The following HDAC10 variants were observed in gnomAD, a reference collection of about 807,000 sequenced individuals.
The protein encoded by HDAC10 is polyamine deacetylase HDAC10.
HDAC10 carries 90 observed loss-of-function variants against 82.3 expected under a neutral mutation model. That is an observed-to-expected ratio of 1.09 (90% confidence interval 0.92 to 1.30). The LOEUF (loss-of-function observed/expected upper bound fraction) is 1.30, where lower values mean the gene tolerates loss of function less well. Among genes scored for constraint, HDAC10 ranks in the 50% most tolerant of loss-of-function variants. HDAC10 has a pLI of 0.00. For missense variants in HDAC10, 934 were observed against 876.3 expected (o/e 1.07, Z -0.83); for synonymous variants, 456 against 391.7 (o/e 1.16, Z -1.94).
rs2065043509 is a variant in HDAC10 at position 50,249,831 on chromosome 22, C to T, written c.494+29G>A. On this transcript the variant is annotated intron_variant, in intron 5 of 19. Coordinates refer to ENST00000216271, the MANE Select transcript of HDAC10 (RefSeq NM_032019.6). The surrounding 1 kb of genome is among the most constrained non-coding windows in gnomAD (Gnocchi z 4.4). Reference sequence around the variant, plus strand: ...TGCCCCTTGCTGTGTGGCCTGGGCCCACCCCCCTGCAGCCAGCCTGGCACA... The same window carrying T: ...TGCCCCTTGCTGTGTGGCCTGGGCCTACCCCCCTGCAGCCAGCCTGGCACA... The T allele has an allele frequency of 6.2e-7, 1 of 1,606,668 alleles. No homozygotes were observed.
At chr22:50,246,191 G>A (rs2064940227) in intron 17 of HDAC10, 99 bp from the exon 18 acceptor site, 4 of 1,523,368 alleles carry the variant, frequency 2.6e-6, no homozygotes, top group South Asian at 1.2e-5. Context: ...GGAGCAGGGA[G>A]ACAGGAAGGA....
rs368982991 is a variant in HDAC10, at chr22:50,245,794, G to A, written c.1867C>T (p.Arg623Trp). The A allele has an allele frequency of 2.3e-5, 37 of 1,590,142 alleles. No homozygotes were observed. The highest frequency in any genetic ancestry group is 1.7e-4 in the Middle Eastern group (1 of 6,050). Reference sequence around the variant, plus strand: ...GGAGGTGCCTCTCCATTCAGCACCCGGGCCAGGATCCCTGCTAGCTGGGGT... The same window carrying A: ...GGAGGTGCCTCTCCATTCAGCACCCAGGCCAGGATCCCTGCTAGCTGGGGT... ...STPQLAGILA[R>W]VLNGEAPPSL... The change falls in exon 19 of 20, where the codon CGG (arginine) becomes TGG (tryptophan). Residue 623 changes from arginine to tryptophan, a missense_variant. Coordinates refer to ENST00000216271, the MANE Select transcript of HDAC10 (RefSeq NM_032019.6).
At position 50,246,745 on chromosome 22, in the gene HDAC10, G is replaced by A. The variant is rs1377334373; in HGVS notation, c.1515-10C>T. ...GGCCACGCACAGCAGCCTGGAAGAA[G>A]AGCTGGCCTCAGGACAGGTGTTCAT... On this transcript the variant is annotated splice_polypyrimidine_tract_variant and intron_variant, in intron 15 of 19. Transcript: ENST00000216271. 5 of 1,612,816 alleles carry A rather than the reference G, an allele frequency of 3.1e-6. No individual in the cohort carries two copies. The highest frequency in any genetic ancestry group is 1.7e-5 in the Admixed American group (1 of 60,006).
Position 50,247,605 on chromosome 22 carries a change from T to C in HDAC10, c.1422+87A>G, listed in dbSNP as rs116146084. The C allele has an allele frequency of 4.3e-5, 41 of 949,534 alleles. No homozygotes were observed. The African/African-American group carries it at 5.6e-4, about 13-fold the overall frequency. 58.8% of individuals were successfully genotyped at this position (949,534 alleles called of 1,614,324 possible). A position where few individuals can be genotyped will look rare whatever the true frequency, so the allele number is the denominator to read the frequency against. On this transcript the variant is annotated intron_variant, in intron 14 of 19. Transcript: ENST00000216271. ...CATGTGGTTCTGCACCACCCAGCCCTCCTCTGGACAGGCCACATCTCGTTG... is the reference window on the plus strand; with the variant it reads ...CATGTGGTTCTGCACCACCCAGCCCCCCTCTGGACAGGCCACATCTCGTTG...
chr22:50,248,505 A>C lies in HDAC10; in HGVS notation c.907-33T>G, dbSNP rs1056955228. The C allele has an allele frequency of 3.2e-6, 5 of 1,583,694 alleles. No homozygotes were observed. The African/African-American group carries it at 6.7e-5, about 21-fold the overall frequency. ...GAGGGTGGAGACATGATTGGGGCAG[A>C]GATATCACTGGGATGGGATGTCACC... is the stretch of plus-strand genomic sequence containing the variant. On this transcript the variant is annotated intron_variant, in intron 10 of 19. Transcript: ENST00000216271. This position sits in a 1 kb window ranked among gnomAD's most constrained non-coding sequence, Gnocchi z 5.4.
At position 50,250,101 on chromosome 22, in the gene HDAC10, C is replaced by T. The variant is rs2065050288; in HGVS notation, c.351G>A (p.Val117=). The change falls in exon 4 of 20, where the codon GTG becomes GTA. Residue 117 remains valine (V), a synonymous_variant. Coordinates refer to ENST00000216271, the MANE Select transcript of HDAC10 (RefSeq NM_032019.6). ...AGAGLQLVDA[V]LTGAVQNGLA... The stretch of plus-strand genomic sequence containing the variant: ...GCCCATTTTGCACAGCTCCAGTGAG[C>T]ACAGCGTCCACCAGCTGCAGTCCAG... 1 of 1,612,732 alleles carries T rather than the reference C, an allele frequency of 6.2e-7. No individual in the cohort carries two copies. Among genetic ancestry groups the T allele is most frequent in the South Asian group, 1.1e-5 (1 of 91,088 alleles).
chr22:50,251,150 G>T lies in HDAC10; in HGVS notation c.-118C>A. The T allele has an allele frequency of 1.8e-6, 2 of 1,088,082 alleles. No homozygotes were observed. The highest frequency in any genetic ancestry group is 2.6e-6 in the Non-Finnish European group (2 of 759,630). 67.4% of individuals were successfully genotyped at this position (1,088,082 alleles called of 1,614,324 possible). A position where few individuals can be genotyped will look rare whatever the true frequency, so the allele number is the denominator to read the frequency against. ...CCTGGGACCTGCCTGGGGCGCAGGC[G>T]GGCGGCGGGCACCGGCCTGGGCGGG... is the stretch of plus-strand genomic sequence containing the variant. On this transcript the variant is annotated 5_prime_UTR_variant, in exon 1 of 20. Coordinates refer to ENST00000216271, the MANE Select transcript of HDAC10 (RefSeq NM_032019.6).
Position 50,245,969 on chromosome 22 carries a change from G to C in HDAC10, c.1774C>G (p.Leu592Val). 2.5e-6 allele frequency: 4 copies of C among 1,607,586 alleles called. No individual in the cohort carries two copies. Among genetic ancestry groups the C allele is most frequent in the Non-Finnish European group, 3.4e-6 (4 of 1,177,776 alleles). ...GHGLQGPHAA[L>V]LAAMLRGLAG... The stretch of plus-strand genomic sequence containing the variant: ...AGCCCCCGAAGCATTGCAGCCAGGA[G>C]TGCAGCGTGGGGGCCCTGCAGGCCA... The change falls in exon 18 of 20, where the codon CTC (leucine) becomes GTC (valine). Residue 592 changes from leucine to valine, a missense_variant. Physicochemically the swap from Leu to Val is conservative, Grantham distance 32. Coordinates refer to ENST00000216271, the MANE Select transcript of HDAC10 (RefSeq NM_032019.6).
rs527267106 is a variant in HDAC10 at position 50,250,481 on chromosome 22, G to A, written c.237C>T (p.Gly79=). 2 of 1,612,954 alleles carry A rather than the reference G, an allele frequency of 1.2e-6. No individual in the cohort carries two copies. The highest frequency in any genetic ancestry group is 1.3e-5 in the African/African-American group (1 of 75,044). Residue 79 remains glycine (G), a synonymous_variant, in exon 3 of 20, where the codon GGC becomes GGT. Coordinates refer to ENST00000216271, the MANE Select transcript of HDAC10 (RefSeq NM_032019.6). ...CGGACAGCGCCTGCAGCTCCTCCTT[G>A]CCTAGGACCTGGGTCTCCCTGACCA... ...VSLVRETQVL[G]KEELQALSGQ...
intron 16 of HDAC10, 104 bp downstream of exon 16, chr22:50,246,575 C>T (rs2064953133): frequency 4.8e-6 from 6 of 1,243,124 alleles, no homozygotes; most frequent in Admixed American, 1.7e-5. Context: ...CCATTCAGTA[C>T]CACACAGTGC....
intron 17 of HDAC10, 79 bp from the exon 18 acceptor site, chr22:50,246,171 C>A: frequency 6.5e-7 from 1 of 1,544,024 alleles, no homozygotes; most frequent in African/African-American, 1.4e-5. Context: ...ATCTCAGGGC[C>A]CCTGGAGTAG....
At position 50,248,483 on chromosome 22, in the gene HDAC10, G is replaced by A. The variant is rs761144967; in HGVS notation, c.907-11C>T. On this transcript the variant is annotated splice_polypyrimidine_tract_variant and intron_variant, in intron 10 of 19. Coordinates refer to ENST00000216271, the MANE Select transcript of HDAC10 (RefSeq NM_032019.6). The surrounding 1 kb of genome is among the most constrained non-coding windows in gnomAD (Gnocchi z 5.4). Reference sequence around the variant, plus strand: ...CAGGTGGTAGCCGCCCTGGGAGGAGGGTGGAGACATGATTGGGGCAGAGAT... The same window carrying A: ...CAGGTGGTAGCCGCCCTGGGAGGAGAGTGGAGACATGATTGGGGCAGAGAT... The A allele has an allele frequency of 1.5e-5, 24 of 1,601,144 alleles. No individual in the cohort carries two copies. The highest frequency in any genetic ancestry group is 4.5e-5 in the East Asian group (2 of 44,640).
chr22:50,248,426 A>G lies in HDAC10; in HGVS notation c.953T>C (p.Val318Ala). ...GGCCGGGTCACCCAGCAGCGTCTGT[A>G]CTGTCATGCACACTGACTCCGCCAG... ...ESLAESVCMT[V>A]QTLLGDPAPP... The change falls in exon 11 of 20, where the codon GTA becomes GCA. Residue 318 changes from valine (V) to alanine (A), a missense_variant. Coordinates refer to ENST00000216271, the MANE Select transcript of HDAC10 (RefSeq NM_032019.6). This position sits in a 1 kb window ranked among gnomAD's most constrained non-coding sequence, Gnocchi z 5.4. 1 of 1,608,562 alleles carries G rather than the reference A, an allele frequency of 6.2e-7. No individual in the cohort carries two copies. The highest frequency in any genetic ancestry group is 2.2e-5 in the East Asian group (1 of 44,880).
chr22:50,248,950 C>A lies in HDAC10; in HGVS notation c.757-60G>T. The A allele has an allele frequency of 6.5e-7, 1 of 1,546,600 alleles. No homozygotes were observed. Among genetic ancestry groups the A allele is most frequent in the East Asian group, 2.4e-5 (1 of 42,472 alleles). On this transcript the variant is annotated intron_variant, in intron 8 of 19. Coordinates refer to ENST00000216271, the MANE Select transcript of HDAC10 (RefSeq NM_032019.6). The surrounding 1 kb of genome is among the most constrained non-coding windows in gnomAD (Gnocchi z 5.4). The stretch of plus-strand genomic sequence containing the variant: ...AGAGGGGCTGGAGCCCAGGTGAGGG[C>A]GAGCCAGGCCCATCCCATCCCCTCC...
In HDAC10 at chr22:50,249,027, T is replaced by C; in HGVS notation, c.756+76A>G. 6.9e-7 allele frequency: 1 copy of C among 1,452,856 alleles called. No individual in the cohort carries two copies. The highest frequency in any genetic ancestry group is 1.2e-5 in the South Asian group (1 of 82,622). 90.0% of individuals were successfully genotyped at this position (1,452,856 alleles called of 1,614,324 possible). On this transcript the variant is annotated intron_variant, in intron 8 of 19. Transcript: ENST00000216271. The surrounding 1 kb of genome is among the most constrained non-coding windows in gnomAD (Gnocchi z 4.4). ...GTGGGACAGCTCATAACCCTCCTCC[T>C]GCCTTCACTGGCGCACTCCAGGCAC...
rs1336167096 is a variant in HDAC10 at position 50,245,805 on chromosome 22, C to G, written c.1856G>C (p.Gly619Ala). ...LEENSTPQLA[G>A]ILARVLNGEA... Reference sequence around the variant, plus strand: ...TCCATTCAGCACCCGGGCCAGGATCCCTGCTAGCTGGGGTGTGGAGTTCTG... The same window carrying G: ...TCCATTCAGCACCCGGGCCAGGATCGCTGCTAGCTGGGGTGTGGAGTTCTG... Residue 619 changes from glycine to alanine, a missense_variant, in exon 19 of 20, where the codon GGG (glycine) becomes GCG (alanine). Physicochemically the swap from Gly to Ala is moderately conservative, Grantham distance 60. Transcript: ENST00000216271. The G allele has an allele frequency of 6.3e-7, 1 of 1,581,584 alleles. No homozygotes were observed. Among genetic ancestry groups the G allele is most frequent in the Non-Finnish European group, 8.6e-7 (1 of 1,163,966 alleles).
intron 3 of HDAC10, 86 bp from the exon 4 acceptor site, chr22:50,250,246 C>T: frequency 7.3e-7 from 1 of 1,372,860 alleles, no homozygotes; most frequent in South Asian, 1.2e-5. Context: ...GGCTGCAAGA[C>T]ACCAGCTGCT....
Position 50,248,549 on chromosome 22 carries a change from C to T in HDAC10, c.907-77G>A. On this transcript the variant is annotated intron_variant, in intron 10 of 19. Coordinates refer to ENST00000216271, the MANE Select transcript of HDAC10 (RefSeq NM_032019.6). The surrounding 1 kb of genome is among the most constrained non-coding windows in gnomAD (Gnocchi z 5.4). ...TGTCACCGGGAGAGCCCCTGCCTGG[C>T]TCTATCCCGGGCAGGACGCCCCTCC... 3.3e-6 allele frequency: 5 copies of T among 1,505,210 alleles called. No homozygotes were observed. Among genetic ancestry groups the T allele is most frequent in the South Asian group, 1.2e-5 (1 of 83,022 alleles). 93.2% of individuals were successfully genotyped at this position (1,505,210 alleles called of 1,614,324 possible).
rs373054489 is a variant in HDAC10, at chr22:50,245,909, C to T, written c.1833+1G>A. On this transcript the variant is annotated splice_donor_variant, in intron 18 of 19. Coordinates refer to ENST00000216271, the MANE Select transcript of HDAC10 (RefSeq NM_032019.6). LOFTEE classifies it high-confidence loss of function. ...CAGCACCTCCACCCTGCCCAGCTTA[C>T]CTCCTCCAGGAGGGCCAGGACTCGG... The T allele has an allele frequency of 6.4e-7, 1 of 1,572,332 alleles. No homozygotes were observed. Among genetic ancestry groups the T allele is most frequent in the Non-Finnish European group, 8.6e-7 (1 of 1,159,222 alleles).
Sources: allele counts gnomAD v4.1 joint callset, GRCh38; gene constraint gnomAD v4.1.1; non-coding constraint Gnocchi (gnomAD v3.1); transcripts MANE v1.5; gene names NCBI Gene and HGNC (gene_info 2026-07-23, HGNC 2026-07-21).